The following KCNQ2 variants were observed in gnomAD, a reference collection of about 807,000 sequenced individuals.
KCNQ2 encodes the protein potassium voltage-gated channel subfamily Q member 2.
KCNQ2 carries 14 observed loss-of-function variants against 84.8 expected under a neutral mutation model. That is an observed-to-expected ratio of 0.17 (90% CI 0.11 to 0.26). The LOEUF (loss-of-function observed/expected upper bound fraction) is 0.26. Ranked by LOEUF, KCNQ2 falls within the 10% of genes least tolerant of loss-of-function variation. KCNQ2 has a pLI of 1.00. For synonymous variants in KCNQ2, 599 were observed against 554.1 expected (o/e 1.08, Z -1.14); for missense variants, 788 against 1,254.0 (o/e 0.63, Z 5.61).
At chr20:63,424,276 AG>A in intron 10 of KCNQ2, 70 bp from the exon 11 acceptor site, 2 of 1,511,460 alleles carry the variant, frequency 1.3e-6, no homozygotes, top group Non-Finnish European at 1.8e-6. Flanking sequence ...CAACCAGTCC[AG>A]CCCCCCACAG....
At chr20:63,443,775 C>G (rs548785189) in intron 4 of KCNQ2, 1 of 152,276 alleles carries the variant, frequency 6.6e-6, no homozygotes, top group Non-Finnish European at 1.5e-5. Flanking sequence ...AACCAGGAGG[C>G]GCCGCTGGCT....
chr20:63,456,875 C>T (rs762972536), intron 1 of KCNQ2, among the ~76,000 whole-genome samples: 141 of 152,314 alleles, frequency 9.3e-4, no homozygotes, highest in Non-Finnish European at 1.5e-3. Context: ...TGCACCTCCC[C>T]GGGGCTGGGG....
chr20:63,438,574 G>T lies in KCNQ2; in HGVS notation c.1023+51C>A. On this transcript the variant is annotated intron_variant, in intron 7 of 16. Coordinates refer to ENST00000359125, the MANE Select transcript of KCNQ2 (RefSeq NM_172107.4). The surrounding 1 kb of genome is among the most constrained non-coding windows in gnomAD (Gnocchi z 5.1). ...CCAGCGGCCTCCACTCCTCAACAAG[G>T]TGGGACCAGGACAAGGGCTGTGCTG... is the stretch of plus-strand genomic sequence containing the variant. 6.6e-7 allele frequency: 1 copy of T among 1,517,422 alleles called. No individual in the cohort carries two copies. 94.0% of individuals were successfully genotyped at this position (1,517,422 alleles called of 1,614,324 possible). A position where few individuals can be genotyped will look rare whatever the true frequency, so the allele number is the denominator to read the frequency against.
chr20:63,434,131 G>T, intron 7 of KCNQ2: 1 of 555,984 alleles, frequency 1.8e-6, no homozygotes. Flanking sequence ...GGGGCCTGAA[G>T]GAGGGGAGCG....
At chr20:63,433,729 C>A in intron 8 of KCNQ2, 80 bp downstream of exon 8, 1 of 1,610,226 alleles carries the variant, frequency 6.2e-7, no homozygotes, top group South Asian at 1.1e-5. Context: ...AAATAATGAA[C>A]AACAAAAAGT....
At chr20:63,442,005 T>G (rs1487275642) in intron 5 of KCNQ2, among the ~76,000 whole-genome samples, 1 of 151,992 alleles carries the variant, frequency 6.6e-6, no homozygotes, top group East Asian at 1.9e-4. Context: ...CTGATCAGAG[T>G]GGGGCCTGCA....
rs960110055 is a variant in KCNQ2, at chr20:63,400,907, G to T, written c.*5737C>A. ...AGGGCGTCCGTACCTGGCACAGCCAGGGGGCATGGGGCGACCTCAGGGAGT... is the reference window on the plus strand; with the variant it reads ...AGGGCGTCCGTACCTGGCACAGCCATGGGGCATGGGGCGACCTCAGGGAGT... On this transcript the variant is annotated 3_prime_UTR_variant, in exon 17 of 17. Coordinates refer to ENST00000359125, the MANE Select transcript of KCNQ2 (RefSeq NM_172107.4). This position sits in a 1 kb window ranked among gnomAD's most constrained non-coding sequence, Gnocchi z 8.7. 1 of 398,276 alleles carries T rather than the reference G, an allele frequency of 2.5e-6. No homozygotes were observed. The highest frequency in any genetic ancestry group is 4.4e-6 in the Non-Finnish European group (1 of 225,774). 24.7% of individuals were successfully genotyped at this position (398,276 alleles called of 1,614,324 possible).
At chr20:63,455,007 G>A (rs1411650065) in intron 1 of KCNQ2, among the ~76,000 whole-genome samples, 1 of 152,212 alleles carries the variant, frequency 6.6e-6, no homozygotes, top group Non-Finnish European at 1.5e-5. Context: ...AGGTCTCGCT[G>A]GCTCGGCAAG....
intron 1 of KCNQ2, among the ~76,000 whole-genome samples, chr20:63,457,772 C>T (rs1482624127): frequency 3.9e-5 from 6 of 152,232 alleles, no homozygotes; most frequent in Non-Finnish European, 7.3e-5. Flanking sequence ...CCAGGGCCTT[C>T]GCCCCGGCCC....
intron 1 of KCNQ2, among the ~76,000 whole-genome samples, chr20:63,458,729 C>T (rs921176197): frequency 2.0e-5 from 3 of 152,268 alleles, no homozygotes; most frequent in African/African-American, 4.8e-5. Flanking sequence ...CGTCTCCCCA[C>T]ATCCAGGCAG....
At position 63,406,930 on chromosome 20, in the gene KCNQ2, T is replaced by C; in HGVS notation, c.2333A>G (p.Glu778Gly). ...QEDTPGCRPP[E>G]GNLRDSDTSI... ...CGTGTCGCTGTCCCGCAGGTTCCCCTCGGGGGGCCTGCAGCCCGGGGTGTC... is the reference window on the plus strand; with the variant it reads ...CGTGTCGCTGTCCCGCAGGTTCCCCCCGGGGGGCCTGCAGCCCGGGGTGTC... The change falls in exon 17 of 17, where the codon GAG becomes GGG. Residue 778 changes from glutamate to glycine, a missense_variant. Around this residue, in one of 8 missense-constraint regions of KCNQ2, gnomAD observed 378 missense variants for 434.5 expected, o/e 0.87. Transcript: ENST00000359125. The C allele has an allele frequency of 6.2e-7, 1 of 1,601,236 alleles. No homozygotes were observed. Among genetic ancestry groups the C allele is most frequent in the African/African-American group, 1.3e-5 (1 of 74,934 alleles).
In KCNQ2 at chr20:63,408,690, G is replaced by A. The variant is rs1006507788; in HGVS notation, c.1764-154C>T. On this transcript the variant is annotated intron_variant, in intron 15 of 16. Coordinates refer to ENST00000359125, the MANE Select transcript of KCNQ2 (RefSeq NM_172107.4). The surrounding 1 kb of genome is among the most constrained non-coding windows in gnomAD (Gnocchi z 5.0). ...GCAGTGGGTGCCAGGACAGATGGACGGGGTGCGCCCCGTTCTCAGCCCGTC... is the reference window on the plus strand; with the variant it reads ...GCAGTGGGTGCCAGGACAGATGGACAGGGTGCGCCCCGTTCTCAGCCCGTC... 3.3e-5 allele frequency among the ~76,000 whole-genome samples: 5 copies of A among 152,220 alleles called. No individual in the cohort carries two copies. Among genetic ancestry groups the A allele is most frequent in the Admixed American group, 1.3e-4 (2 of 15,286 alleles).
At position 63,432,925 on chromosome 20, in the gene KCNQ2, C is replaced by A. The variant is rs1476022277; in HGVS notation, c.1118+884G>T. Among the ~76,000 whole-genome samples the A allele has an allele frequency of 7.2e-5, 11 of 152,262 alleles. No individual in the cohort carries two copies. In the East Asian group the frequency reaches 1.7e-3, roughly 24 times the overall value. ...AGGGAAGGCTCCAGGGGACAGAAACCCCCTAGGAGCAGGTGACGGGGGGCG... is the reference window on the plus strand; with the variant it reads ...AGGGAAGGCTCCAGGGGACAGAAACACCCTAGGAGCAGGTGACGGGGGGCG... On this transcript the variant is annotated intron_variant, in intron 8 of 16. Coordinates refer to ENST00000359125, the MANE Select transcript of KCNQ2 (RefSeq NM_172107.4).
In KCNQ2 at chr20:63,446,781, T is replaced by C; in HGVS notation, c.353A>G (p.Tyr118Cys). The C allele has an allele frequency of 6.2e-7, 1 of 1,613,442 alleles. No homozygotes were observed. The highest frequency in any genetic ancestry group is 8.5e-7 in the Non-Finnish European group (1 of 1,179,926). ...VLSVFSTIKE[Y>C]EKSSEGALYI... Reference sequence around the variant, plus strand: ...GAGGGCCCCCTCCGAGCTCTTCTCATACTCCTTGATGGTGGAAAACACAGA... The same window carrying C: ...GAGGGCCCCCTCCGAGCTCTTCTCACACTCCTTGATGGTGGAAAACACAGA... The change falls in exon 2 of 17, where the codon TAT becomes TGT. Residue 118 changes from tyrosine (Y) to cysteine (C), a missense_variant. Coordinates refer to ENST00000359125, the MANE Select transcript of KCNQ2 (RefSeq NM_172107.4). The surrounding 1 kb of genome is among the most constrained non-coding windows in gnomAD (Gnocchi z 5.5).
At chr20:63,417,060 C>T (rs1471066959) in intron 12 of KCNQ2, among the ~76,000 whole-genome samples, 1 of 152,190 alleles carries the variant, frequency 6.6e-6, no homozygotes, top group Non-Finnish European at 1.5e-5. Context: ...GCCGATGGTA[C>T]AGGCTCGCTC....
intron 9 of KCNQ2, among the ~76,000 whole-genome samples, chr20:63,430,495 GTCA>G (rs2080759943): frequency 6.6e-6 from 1 of 152,178 alleles, no homozygotes. Context: ...CCCTGGAGGA[GTCA>G]TCAAGGGCTT....
chr20:63,463,940 CCACT>C (rs2145881161), intron 1 of KCNQ2: 1 of 152,206 alleles, frequency 6.6e-6, no homozygotes, highest in African/African-American at 2.4e-5. Flanking sequence ...CCGTCCGCCC[CCACT>C]GAGATGATTC....
chr20:63,436,185 T>G (rs931333312), intron 7 of KCNQ2, among the ~76,000 whole-genome samples: 29 of 152,184 alleles, frequency 1.9e-4, no homozygotes, highest in Non-Finnish European at 3.7e-4. Flanking sequence ...GAGAAATCTT[T>G]CGTGAAAGGA....
chr20:63,472,119 GATGGGGGTCGCC>G (rs1401057809), intron 1 of KCNQ2, 37 bp downstream of exon 1: 30 of 1,360,798 alleles, frequency 2.2e-5, no homozygotes, highest in African/African-American at 1.1e-4. Flanking sequence ...TGGGGTCGCC[GATGGGGGTCGCC>G]ATGGGGGTCG....
Sources: allele counts gnomAD v4.1 joint callset (sites outside exome capture counted in the v4.1 genomes callset), GRCh38; gene constraint gnomAD v4.1.1; regional missense constraint gnomAD v4.1.1; non-coding constraint Gnocchi (gnomAD v3.1); transcripts MANE v1.5; gene names NCBI Gene and HGNC (gene_info 2026-07-23, HGNC 2026-07-21).